The following CNGB1 variants were observed in gnomAD, a reference collection of about 807,000 sequenced individuals.
The protein encoded by CNGB1 is cyclic nucleotide-gated channel beta-1.
CNGB1 carries 126 observed loss-of-function variants against 151.7 expected under a neutral mutation model. That is an observed-to-expected ratio of 0.83 (90% CI 0.72 to 0.96). The LOEUF (loss-of-function observed/expected upper bound fraction) is 0.96, where lower values mean the gene tolerates loss of function less well. Among genes scored for constraint, CNGB1 ranks in the 40% least tolerant of loss-of-function variants. The pLI, the probability that CNGB1 is intolerant of heterozygous loss-of-function variation, is 0.00. For missense variants in CNGB1, 1,698 were observed against 1,627.0 expected (o/e 1.04, Z -0.75); for synonymous variants, 623 against 635.1 (o/e 0.98, Z 0.29).
Position 57,922,427 on chromosome 16 carries a change from C to CTTTTTT in CNGB1, c.1643+845_1643+846insAAAAAA, listed in dbSNP as rs202188548. Among the ~76,000 whole-genome samples, 827 of 141,896 alleles carry CTTTTTT rather than the reference C, an allele frequency of 5.8e-3. 29 individuals are homozygous for CTTTTTT. Among genetic ancestry groups the CTTTTTT allele is most frequent in the African/African-American group, 0.023 (797 of 34,278 alleles). 93.1% of individuals were successfully genotyped at this position (141,896 alleles called of 152,430 possible). Reference sequence around the variant, plus strand: ...GGTTTCTTTCTCTCTTTCTTTCTTTCTTTCTTTTTTTTTTTTTTGAGATGA... The same window carrying CTTTTTT: ...GGTTTCTTTCTCTCTTTCTTTCTTTCTTTTTTTTTCTTTTTTTTTTTTTTGAGATGA... On this transcript the variant is annotated intron_variant, in intron 18 of 32. Transcript: ENST00000251102.
intron 16 of CNGB1, among the ~76,000 whole-genome samples, chr16:57,932,262 C>A (rs145775776): frequency 6.6e-6 from 1 of 152,210 alleles, no homozygotes; most frequent in African/African-American, 2.4e-5. Context: ...AGAGTCCTGG[C>A]GCCTGGCCTA....
intron 1 of CNGB1, among the ~76,000 whole-genome samples, chr16:57,967,703 T>C (rs1489081876): frequency 1.3e-5 from 2 of 151,974 alleles, no homozygotes; most frequent in African/African-American, 4.8e-5. Context: ...TCAAAAAATA[T>C]ATAATATATA....
rs1961598108 is a variant in CNGB1, at chr16:57,939,336, A to G, written c.1372+94T>C. On this transcript the variant is annotated intron_variant, in intron 16 of 32. Coordinates refer to ENST00000251102, the MANE Select transcript of CNGB1 (RefSeq NM_001297.5). ...AATGGGGGGAAGGAGATGGAGGGAGAGGAGGAGGGGTTGCCCCTGCACGAA... is the reference window on the plus strand; with the variant it reads ...AATGGGGGGAAGGAGATGGAGGGAGGGGAGGAGGGGTTGCCCCTGCACGAA... The G allele has an allele frequency of 1.5e-5, 23 of 1,551,680 alleles. No homozygotes were observed. The South Asian group carries it at 2.3e-4, about 16-fold the overall frequency.
intron 31 of CNGB1, among the ~76,000 whole-genome samples, chr16:57,894,277 C>A (rs898169815): frequency 1.3e-5 from 2 of 152,140 alleles, no homozygotes; most frequent in South Asian, 4.1e-4. Context: ...TACAGCATGC[C>A]ATATTTTGTG....
At chr16:57,957,260 CT>C (rs1236045326) in intron 12 of CNGB1, 80 bp downstream of exon 12, 14 of 1,382,868 alleles carry the variant, frequency 1.0e-5, no homozygotes, top group Admixed American at 1.0e-4. Flanking sequence ...GACAGCCCCC[CT>C]GCCCACATAC....
chr16:57,938,061 C>A (rs1596995669), intron 16 of CNGB1, among the ~76,000 whole-genome samples: 1 of 152,340 alleles, frequency 6.6e-6, no homozygotes, highest in East Asian at 1.9e-4. Flanking sequence ...CCAAGTTACT[C>A]ATTTCTAACC....
Position 57,967,241 on chromosome 16 carries a change from G to C in CNGB1, c.46C>G (p.Pro16Ala), listed in dbSNP as rs767982458. Residue 16 changes from proline (P) to alanine (A), a missense_variant, in exon 2 of 33, where the codon CCT (proline) becomes GCT (alanine). Coordinates refer to ENST00000251102, the MANE Select transcript of CNGB1 (RefSeq NM_001297.5). ...QRVLPQPPGT[P>A]RKTKMQEEEE... ...TCCTCCTGCATCTTGGTCTTCCGAG[G>C]GGTCCCTGGGGGCTGAGGCAGCACC... is the stretch of plus-strand genomic sequence containing the variant. The C allele has an allele frequency of 3.7e-5, 59 of 1,614,106 alleles. No individual in the cohort carries two copies. Among genetic ancestry groups the C allele is most frequent in the East Asian group, 2.9e-4 (13 of 44,876 alleles).
At chr16:57,950,243 G>A (rs1310749514) in intron 13 of CNGB1, 138 bp downstream of exon 13, 35 of 1,015,870 alleles carry the variant, frequency 3.4e-5, no homozygotes, top group Non-Finnish European at 4.6e-5. Flanking sequence ...ACCCATGGGA[G>A]AAGGATGGCT....
intron 14 of CNGB1, among the ~76,000 whole-genome samples, chr16:57,944,951 TAA>T (rs367717137): frequency 1.4e-3 from 150 of 104,340 alleles, no homozygotes; most frequent in African/African-American, 4.3e-3. Context: ...ACTCTGTCTT[TAA>T]AAAAAAAAAA....
chr16:57,907,517 C>A (rs1362740811), intron 25 of CNGB1, among the ~76,000 whole-genome samples: 4 of 152,234 alleles, frequency 2.6e-5, no homozygotes, highest in African/African-American at 9.6e-5. Flanking sequence ...CAGGCCCAGG[C>A]TAGACATGCT....
chr16:57,895,142 G>T (rs1455572324), intron 31 of CNGB1, among the ~76,000 whole-genome samples: 7 of 152,122 alleles, frequency 4.6e-5, no homozygotes, highest in African/African-American at 1.7e-4. Flanking sequence ...GAGAATATTA[G>T]AATGAATTCT....
intron 14 of CNGB1, among the ~76,000 whole-genome samples, chr16:57,948,316 CTTTT>C (rs58470336): frequency 1.1e-4 from 15 of 136,566 alleles, no homozygotes; most frequent in Admixed American, 1.5e-4. Context: ...TCTTCTTCTT[CTTTT>C]TTTTTTTTTT....
At position 57,923,260 on chromosome 16, in the gene CNGB1, A is replaced by T; in HGVS notation, c.1643+13T>A. 2 of 1,411,400 alleles carry T rather than the reference A, an allele frequency of 1.4e-6. No homozygotes were observed. The highest frequency in any genetic ancestry group is 1.9e-6 in the Non-Finnish European group (2 of 1,048,514). 87.4% of individuals were successfully genotyped at this position (1,411,400 alleles called of 1,614,324 possible). A position where few individuals can be genotyped will look rare whatever the true frequency, so the allele number is the denominator to read the frequency against. ...CAGTCTTTCAATTTTCTGAGACCCC[A>T]GAGGGGTCTCACTCAGTGTCCTTCG... On this transcript the variant is annotated intron_variant, in intron 18 of 32. Transcript: ENST00000251102.
intron 29 of CNGB1, among the ~76,000 whole-genome samples, chr16:57,899,157 C>T (rs1338285472): frequency 2.6e-5 from 4 of 152,186 alleles, no homozygotes; most frequent in Non-Finnish European, 5.9e-5. Flanking sequence ...TGGCCTTAAT[C>T]CCAAGTTAAA....
At chr16:57,953,164 CA>C (rs1480795817) in intron 12 of CNGB1, among the ~76,000 whole-genome samples, 6 of 152,214 alleles carry the variant, frequency 3.9e-5, no homozygotes, top group Non-Finnish European at 7.3e-5. Context: ...TCTCTGCCCT[CA>C]GGGCCATCAA....
intron 18 of CNGB1, among the ~76,000 whole-genome samples, chr16:57,921,341 C>A (rs746028057): frequency 3.3e-5 from 5 of 150,972 alleles, no homozygotes; most frequent in Non-Finnish European, 7.4e-5. Context: ...CCTGCCTCAA[C>A]CTCCTGAGTA....
In CNGB1 at chr16:57,917,343, T is replaced by C. The variant is rs767102177; in HGVS notation, c.2091A>G (p.Leu697=). Reference sequence around the variant, plus strand: ...TGTCCAGGAAGTAGATGAGGTCGCATAGGTAATCCATCAGCAGCCAGTGGT... The same window carrying C: ...TGTCCAGGAAGTAGATGAGGTCGCACAGGTAATCCATCAGCAGCCAGTGGT... ...NIHHWLLMDY[L]CDLIYFLDIT... The change falls in exon 21 of 33, where the codon CTA becomes CTG. Residue 697 remains leucine (L), a synonymous_variant. Transcript: ENST00000251102. 28 of 1,613,966 alleles carry C rather than the reference T, an allele frequency of 1.7e-5. No individual in the cohort carries two copies. Among genetic ancestry groups the C allele is most frequent in the Admixed American group, 3.3e-5 (2 of 59,994 alleles).
At chr16:57,958,720 C>A (rs530836610) in intron 10 of CNGB1, among the ~76,000 whole-genome samples, 2 of 151,190 alleles carry the variant, frequency 1.3e-5, no homozygotes, top group South Asian at 2.1e-4. Context: ...CACCCTCCCA[C>A]CCGTTCTCGG....
chr16:57,929,490 A>AGAGAGAGC (rs1961285870), intron 17 of CNGB1, among the ~76,000 whole-genome samples: 1 of 150,746 alleles, frequency 6.6e-6, no homozygotes, highest in African/African-American at 2.5e-5. Context: ...AGAGAGAGAG[A>AGAGAGAGC]CTTTTTCTTT....
Sources: gnomAD v4.1 joint callset for allele counts (sites outside exome capture counted in the v4.1 genomes callset) on GRCh38, gnomAD v4.1.1 for gene constraint, MANE v1.5 for transcripts, NCBI Gene and HGNC (gene_info 2026-07-23, HGNC 2026-07-21) for gene names.